DCHS2: variants seen among roughly 807,000 people sequenced by gnomAD.
DCHS2 encodes the protein protocadherin-23.
In DCHS2, 142 loss-of-function variants were observed where a neutral mutation model predicts 182.4. The observed-to-expected ratio is 0.78, with a 90% CI of 0.68 to 0.89. The LOEUF (loss-of-function observed/expected upper bound fraction) is 0.89. Among genes scored for constraint, DCHS2 ranks in the 40% least tolerant of loss-of-function variants. DCHS2 has a pLI of 0.00. For synonymous variants in DCHS2, 1,740 were observed against 1,663.3 expected (o/e 1.05, Z -1.12); for missense variants, 4,319 against 4,198.6 (o/e 1.03, Z -0.79).
intron 1 of DCHS2, among the ~76,000 whole-genome samples, chr4:154,429,391 C>T (rs1468132026): frequency 6.6e-6 from 1 of 152,174 alleles, no homozygotes; most frequent in Non-Finnish European, 1.5e-5. Flanking sequence ...CTTCTCACTT[C>T]AAAAGCCAGA....
intron 1 of DCHS2, among the ~76,000 whole-genome samples, chr4:154,404,663 T>G (rs1732324774): frequency 6.6e-6 from 1 of 152,212 alleles, no homozygotes; most frequent in African/African-American, 2.4e-5. Context: ...TCCCTGCACT[T>G]TTATCAGATT....
rs760954413 is a variant in DCHS2 at position 154,332,645 on chromosome 4, GAA to G, written c.3561_3562del (p.Ser1188ProfsTer6). 1 of 1,614,238 alleles carries G rather than the reference GAA, an allele frequency of 6.2e-7. No individual in the cohort carries two copies. The highest frequency in any genetic ancestry group is 8.5e-7 in the Non-Finnish European group (1 of 1,180,046). On this transcript the variant is annotated frameshift_variant, in exon 5 of 20. Transcript: ENST00000357232. LOFTEE classifies it high-confidence loss of function. Reference sequence around the variant, plus strand: ...CAACACATCATGCAAGAAGGTGGGGGAATTGTCATTCTCATCCCAGACACGAA... The same window carrying G: ...CAACACATCATGCAAGAAGGTGGGGGTTGTCATTCTCATCCCAGACACGAA...
intron 3 of DCHS2, among the ~76,000 whole-genome samples, chr4:154,341,904 G>C (rs973424830): frequency 6.6e-6 from 1 of 151,952 alleles, no homozygotes; most frequent in African/African-American, 2.4e-5. Flanking sequence ...CAAAAGTTTA[G>C]TCTTTTTAAT....
intron 1 of DCHS2, among the ~76,000 whole-genome samples, chr4:154,437,423 C>G (rs1052311604): frequency 6.6e-6 from 1 of 152,192 alleles, no homozygotes; most frequent in Non-Finnish European, 1.5e-5. Context: ...TAAAACAAAA[C>G]AAGCCCAATC....
In DCHS2 at chr4:154,332,791, C is replaced by G. The variant is rs747850011; in HGVS notation, c.3417G>C (p.Thr1139=). 1.2e-6 allele frequency: 2 copies of G among 1,614,212 alleles called. No homozygotes were observed. Among genetic ancestry groups the G allele is most frequent in the African/African-American group, 2.7e-5 (2 of 75,054 alleles). The change falls in exon 5 of 20, where the codon ACG becomes ACC. Residue 1139 remains threonine, a synonymous_variant. Transcript: ENST00000357232. ...ACTGTCGCCGCAAATAAATCCAGCCCGTGTAAGGGCGGATTCCAAACATAG... is the reference window on the plus strand; with the variant it reads ...ACTGTCGCCGCAAATAAATCCAGCCGGTGTAAGGGCGGATTCCAAACATAG... ...DSAMFGIRPY[T]GWIYLRRQFD... is the part of the protein sequence containing the mutation.
At chr4:154,301,748 C>G (rs1347362405) in intron 12 of DCHS2, among the ~76,000 whole-genome samples, 2 of 152,100 alleles carry the variant, frequency 1.3e-5, no homozygotes, top group East Asian at 1.9e-4. Flanking sequence ...GGTGATCTGC[C>G]CACCTTGGCA....
intron 5 of DCHS2, chr4:154,331,817 A>G: frequency 7.9e-7 from 1 of 1,260,526 alleles, no homozygotes; most frequent in Non-Finnish European, 1.1e-6. Flanking sequence ...TATTTGCAGT[A>G]TAGATATGTT....
At chr4:154,330,830 T>A (rs770010316) in intron 5 of DCHS2, among the ~76,000 whole-genome samples, 7 of 152,180 alleles carry the variant, frequency 4.6e-5, no homozygotes, top group Non-Finnish European at 1.0e-4. Flanking sequence ...TTAATATAGA[T>A]CATACACACA....
intron 2 of DCHS2, among the ~76,000 whole-genome samples, chr4:154,371,310 C>T (rs896725786): frequency 3.9e-5 from 6 of 152,044 alleles, no homozygotes; most frequent in African/African-American, 1.4e-4. Flanking sequence ...TGGATGCTGC[C>T]CTGGGCAACA....
chr4:154,256,651 C>A (rs1456574702), intron 15 of DCHS2, among the ~76,000 whole-genome samples: 1 of 152,134 alleles, frequency 6.6e-6, no homozygotes, highest in Non-Finnish European at 1.5e-5. Flanking sequence ...AACAAGTTGA[C>A]AAATTAATTA....
chr4:154,403,907 G>T (rs1218808735), intron 1 of DCHS2, among the ~76,000 whole-genome samples: 1 of 152,050 alleles, frequency 6.6e-6, no homozygotes, highest in African/African-American at 2.4e-5. Flanking sequence ...CCTTTTTAAG[G>T]TATGTGGGAT....
rs189588627 is a variant in DCHS2 at position 154,398,756 on chromosome 4, C to T, written c.2053-21312G>A. On this transcript the variant is annotated intron_variant, in intron 1 of 19. Coordinates refer to ENST00000357232, the MANE Select transcript of DCHS2 (RefSeq NM_001358235.2). ...CTGCCGGCCCTAACCAATAAAGTCA[C>T]ATTTACTATATAAAGAGACTTAAGT... 3.5e-4 allele frequency among the ~76,000 whole-genome samples: 54 copies of T among 152,294 alleles called. 1 individual carries two copies. The highest frequency in any genetic ancestry group is 1.1e-3 in the African/African-American group (47 of 41,562).
intron 1 of DCHS2, among the ~76,000 whole-genome samples, chr4:154,438,960 T>C (rs1250131081): frequency 1.3e-5 from 2 of 152,194 alleles, no homozygotes; most frequent in East Asian, 1.9e-4. Flanking sequence ...CCCTTAACTA[T>C]TGTTGAGTTT....
At chr4:154,280,896 C>G (rs988936356) in intron 13 of DCHS2, among the ~76,000 whole-genome samples, 12 of 151,282 alleles carry the variant, frequency 7.9e-5, no homozygotes, top group African/African-American at 2.9e-4. Context: ...GGCATGATCT[C>G]GGTTCACTGC....
chr4:154,266,325 T>A (rs1284811055), intron 14 of DCHS2, among the ~76,000 whole-genome samples: 3 of 1,046 alleles, frequency 2.9e-3, no homozygotes, highest in Non-Finnish European at 7.8e-3. Context: ...TTGCAGGGGT[T>A]TTTTTTTTGT....
At chr4:154,320,291 C>CTAACAGTTAAAACAATGTTAG in intron 9 of DCHS2, 88 bp downstream of exon 9, 1 of 1,518,020 alleles carries the variant, frequency 6.6e-7, no homozygotes, top group Non-Finnish European at 8.8e-7. Context: ...GTATTGTACA[C>CTAACAGTTAAAACAATGTTAG]TTAAAACTTT....
chr4:154,258,367 C>CTTTTTTTTTTTT (rs771510956), intron 15 of DCHS2, among the ~76,000 whole-genome samples: 56 of 58,848 alleles, frequency 9.5e-4, no homozygotes, highest in East Asian at 1.3e-3. Flanking sequence ...AAAAGAAAGG[C>CTTTTTTTTTTTT]TTTTTTTTTT....
intron 13 of DCHS2, among the ~76,000 whole-genome samples, chr4:154,294,729 C>T (rs1018386702): frequency 6.6e-6 from 1 of 152,130 alleles, no homozygotes; most frequent in Non-Finnish European, 1.5e-5. Context: ...CGAGCCTTGA[C>T]AGAGGTGTTA....
chr4:154,407,491 A>T (rs1487042102), intron 1 of DCHS2, among the ~76,000 whole-genome samples: 1 of 152,206 alleles, frequency 6.6e-6, no homozygotes, highest in Non-Finnish European at 1.5e-5. Flanking sequence ...ACATACACAT[A>T]AAACCTTTTC....
Sources: allele counts gnomAD v4.1 joint callset (sites outside exome capture counted in the v4.1 genomes callset), GRCh38; gene constraint gnomAD v4.1.1; transcripts MANE v1.5; gene names NCBI Gene and HGNC (gene_info 2026-07-23, HGNC 2026-07-21).